The following TKTL1 variants were observed in gnomAD, a reference collection of about 807,000 sequenced individuals.
The protein encoded by TKTL1 is transketolase-like protein 1.
In TKTL1, 1 loss-of-function variant was observed where a neutral mutation model predicts 39.3. The observed-to-expected ratio is 0.03, with a 90% CI of 0.01 to 0.12. The LOEUF is 0.12. Ranked by LOEUF, TKTL1 falls within the 10% of genes least tolerant of loss-of-function variation. The pLI, the probability that TKTL1 is intolerant of heterozygous loss-of-function variation, is 1.00. For missense variants in TKTL1, 575 were observed against 509.6 expected (o/e 1.13, Z -1.24); for synonymous variants, 262 against 193.8 (o/e 1.35, Z -2.92).
chrX:154,300,902 C>T (rs2067268457), intron 1 of TKTL1, among the ~76,000 whole-genome samples: 1 of 109,391 alleles, frequency 9.1e-6, no homozygotes, highest in Admixed American at 9.7e-5. Flanking sequence ...CAGACCATGG[C>T]CAGGCTGGTC....
intron 1 of TKTL1, chrX:154,304,885 A>G (rs1287887589): frequency 1.7e-6 from 1 of 603,200 alleles, no homozygotes; most frequent in Non-Finnish European, 2.3e-6. Context: ...CTACCATGAC[A>G]AATTTCTCAG....
intron 8 of TKTL1, 53 bp from the exon 9 acceptor site, chrX:154,323,154 C>T (rs1404729692): frequency 1.7e-6 from 2 of 1,184,908 alleles, no homozygotes; most frequent in Admixed American, 2.3e-5. Context: ...GGGTGGAGGG[C>T]AGGTTCCTAA....
intron 8 of TKTL1, 29 bp from the exon 9 acceptor site, chrX:154,323,178 C>A: frequency 8.3e-7 from 1 of 1,207,368 alleles, no homozygotes; most frequent in Non-Finnish European, 1.1e-6. Flanking sequence ...GGTTATGCTC[C>A]TGTTTTCATC....
chrX:154,307,660 T>C (rs981974599), intron 2 of TKTL1, among the ~76,000 whole-genome samples: 5 of 112,548 alleles, frequency 4.4e-5, no homozygotes, highest in African/African-American at 1.6e-4. Context: ...ATAAAGTCTT[T>C]GAGATGGGCC....
intron 9 of TKTL1, among the ~76,000 whole-genome samples, chrX:154,323,572 G>T (rs1410491767): frequency 8.9e-6 from 1 of 112,376 alleles, no homozygotes; most frequent in Non-Finnish European, 1.9e-5. Flanking sequence ...CTCAGTCAGG[G>T]TTTAGCAGAA....
chrX:154,329,756 T>G lies in TKTL1; in HGVS notation c.*68T>G. On this transcript the variant is annotated 3_prime_UTR_variant, in exon 13 of 13. Coordinates refer to ENST00000369915, the MANE Select transcript of TKTL1 (RefSeq NM_012253.4). ...TTATGTTTGTTCCAAAACCATCATTTAAATCTCTACTGTCACATTTTGTTT... is the reference window on the plus strand; with the variant it reads ...TTATGTTTGTTCCAAAACCATCATTGAAATCTCTACTGTCACATTTTGTTT... The G allele has an allele frequency of 9.0e-7, 1 of 1,114,032 alleles. No homozygotes were observed. The highest frequency in any genetic ancestry group is 1.2e-6 in the Non-Finnish European group (1 of 818,626). The allele number at this position is 1,114,032 out of a possible 1,213,427, so 91.8% of individuals were successfully genotyped here.
intron 2 of TKTL1, among the ~76,000 whole-genome samples, chrX:154,308,942 G>A (rs1056128333): frequency 5.4e-5 from 6 of 110,846 alleles, no homozygotes; most frequent in Non-Finnish European, 1.1e-4. Flanking sequence ...GTGCATGACC[G>A]GGAAGGGCCA....
intron 1 of TKTL1, 115 bp from the exon 2 acceptor site, chrX:154,305,189 G>A (rs1186670654): frequency 8.5e-7 from 1 of 1,177,498 alleles, no homozygotes; most frequent in Non-Finnish European, 1.1e-6. Context: ...ACCCTTGGTT[G>A]GATTCTTCCC....
At chrX:154,306,410 C>G (rs1272615709) in intron 2 of TKTL1, among the ~76,000 whole-genome samples, 1 of 111,127 alleles carries the variant, frequency 9.0e-6, no homozygotes, top group African/African-American at 3.3e-5. Context: ...GAAGTAAGTG[C>G]CTAAAGGTCA....
chrX:154,316,758 T>G (rs782817107), intron 7 of TKTL1, among the ~76,000 whole-genome samples: 94 of 67,793 alleles, frequency 1.4e-3, no homozygotes, highest in African/African-American at 3.9e-3. Context: ...TGGTTTTTGG[T>G]TTTTTTTTGG....
intron 1 of TKTL1, among the ~76,000 whole-genome samples, chrX:154,302,915 C>T (rs1205765002): frequency 3.6e-5 from 4 of 110,921 alleles, no homozygotes; most frequent in African/African-American, 1.3e-4. Context: ...CACCTAGGGC[C>T]AGCAGTAGCT....
At chrX:154,308,935 C>T (rs1294797751) in intron 2 of TKTL1, among the ~76,000 whole-genome samples, 1 of 110,960 alleles carries the variant, frequency 9.0e-6, no homozygotes, top group Non-Finnish European at 1.9e-5. Context: ...GTGATTTGTG[C>T]ATGACCGGGA....
intron 1 of TKTL1, among the ~76,000 whole-genome samples, chrX:154,304,337 C>A (rs1400066145): frequency 9.0e-6 from 1 of 111,429 alleles, no homozygotes; most frequent in Non-Finnish European, 1.9e-5. Flanking sequence ...CACGCCAGCC[C>A]TGCAGCCTGG....
intron 10 of TKTL1, chrX:154,327,111 G>C (rs1045182603): frequency 4.5e-6 from 1 of 224,321 alleles, no homozygotes; most frequent in Non-Finnish European, 8.3e-6. Flanking sequence ...GGGCTTTGAT[G>C]TCAGCCCCGC....
At chrX:154,309,225 G>A in intron 2 of TKTL1, 120 bp from the exon 3 acceptor site, 1 of 575,992 alleles carries the variant, frequency 1.7e-6, no homozygotes, top group Non-Finnish European at 3.0e-6. Flanking sequence ...GGGCGGGAGG[G>A]GCTGTTCGGA....
chrX:154,321,868 CAG>C (rs1274984979), intron 8 of TKTL1, among the ~76,000 whole-genome samples: 1 of 108,849 alleles, frequency 9.2e-6, no homozygotes, highest in Non-Finnish European at 1.9e-5. Context: ...AGGTGGTGGC[CAG>C]AGAGAGGAGG....
At chrX:154,322,548 T>G (rs1011712910) in intron 8 of TKTL1, among the ~76,000 whole-genome samples, 1 of 111,057 alleles carries the variant, frequency 9.0e-6, no homozygotes, top group Non-Finnish European at 1.9e-5. Context: ...TAATAGTTAA[T>G]TTTTTTAAAA....
chrX:154,315,378 G>A lies in TKTL1; in HGVS notation c.1029+41G>A, dbSNP rs782567331. 1.8e-5 allele frequency: 21 copies of A among 1,136,927 alleles called. No homozygotes were observed. The East Asian group carries it at 5.8e-4, about 31-fold the overall frequency. The allele number at this position is 1,136,927 out of a possible 1,213,427, so 93.7% of individuals were successfully genotyped here. On this transcript the variant is annotated intron_variant, in intron 7 of 12. Transcript: ENST00000369915. ...CTCTCAGGGCTTCTTAGAATCAATG[G>A]CCCACTGGACACAGGAGGCCCAGCC...
intron 7 of TKTL1, among the ~76,000 whole-genome samples, chrX:154,319,099 G>C (rs2067428585): frequency 1.8e-5 from 2 of 111,336 alleles, no homozygotes; most frequent in Admixed American, 9.6e-5. Flanking sequence ...TTCTATTCCT[G>C]TTTTTCATCT....
Sources: allele counts gnomAD v4.1 joint callset (sites outside exome capture counted in the v4.1 genomes callset), GRCh38; gene constraint gnomAD v4.1.1; transcripts MANE v1.5; gene names NCBI Gene and HGNC (gene_info 2026-07-23, HGNC 2026-07-21).